MMS22L: variants seen among roughly 807,000 people sequenced by gnomAD.
MMS22L encodes the protein MMS22 like, DNA repair protein.
A neutral mutation model predicts 159.1 loss-of-function variants in MMS22L; 74 were observed. That is an observed-to-expected ratio of 0.47 (90% CI 0.39 to 0.56). The LOEUF (loss-of-function observed/expected upper bound fraction) is 0.56, where lower values mean the gene tolerates loss of function less well. Ranked by LOEUF, MMS22L falls within the 20% of genes least tolerant of loss-of-function variation. The pLI, the probability that MMS22L is intolerant of heterozygous loss-of-function variation, is 0.00. For missense variants in MMS22L, 1,351 were observed against 1,422.1 expected (o/e 0.95, Z 0.80); for synonymous variants, 517 against 506.9 (o/e 1.02, Z -0.27).
intron 4 of MMS22L, among the ~76,000 whole-genome samples, chr6:97,276,655 G>C (rs756496136): frequency 1.3e-5 from 2 of 152,086 alleles, no homozygotes; most frequent in African/African-American, 4.8e-5. Context: ...CACACATCAC[G>C]TCTTTGTTTA....
intron 11 of MMS22L, 90 bp from the exon 12 acceptor site, chr6:97,234,070 C>T (rs1318845829): frequency 2.9e-6 from 4 of 1,382,304 alleles, no homozygotes; most frequent in Non-Finnish European, 3.9e-6. Context: ...TAACCTGCAG[C>T]TAAAAAGAAA....
chr6:97,198,889 T>C (rs976268150), intron 14 of MMS22L, among the ~76,000 whole-genome samples: 8 of 152,298 alleles, frequency 5.3e-5, no homozygotes, highest in African/African-American at 1.7e-4. Context: ...TATATTATCA[T>C]ATTTCCTCTC....
chr6:97,236,144 A>G (rs1012786490), intron 11 of MMS22L, among the ~76,000 whole-genome samples: 2 of 151,960 alleles, frequency 1.3e-5, no homozygotes, highest in African/African-American at 2.4e-5. Context: ...CCTGGCCAAC[A>G]TGGCGAAACC....
chr6:97,148,543 G>A (rs967245456), intron 24 of MMS22L, among the ~76,000 whole-genome samples: 1 of 151,500 alleles, frequency 6.6e-6, no homozygotes, highest in Non-Finnish European at 1.5e-5. Flanking sequence ...ATGCGTGTGT[G>A]TCTTCATTTT....
chr6:97,254,695 C>G lies in MMS22L; in HGVS notation c.981G>C (p.Leu327=), dbSNP rs1333822744. The G allele has an allele frequency of 1.9e-6, 3 of 1,611,710 alleles. No homozygotes were observed. The East Asian group carries it at 6.7e-5, about 36-fold the overall frequency. ...TTCTTCGGTCACTTGATTTTTCAAG[C>G]AGTGTTTTAAGTAGTTTATTCAACC... is the stretch of plus-strand genomic sequence containing the variant. ...WNWLNKLLKT[L]LEKSSDRRRS... is the part of the protein sequence containing the mutation. Residue 327 remains leucine (L), a synonymous_variant, in exon 10 of 25, where the codon CTG becomes CTC. Coordinates refer to ENST00000683635, the MANE Select transcript of MMS22L (RefSeq NM_001350599.2).
chr6:97,251,359 T>C (rs1813215180), intron 10 of MMS22L, among the ~76,000 whole-genome samples: 1 of 152,194 alleles, frequency 6.6e-6, no homozygotes, highest in African/African-American at 2.4e-5. Context: ...CTTTAAAATA[T>C]TTCACTGAGA....
Position 97,231,512 on chromosome 6 carries a change from A to G in MMS22L, c.1443T>C (p.Tyr481=), listed in dbSNP as rs751376060. The change falls in exon 13 of 25, where the codon TAT becomes TAC. Residue 481 remains tyrosine, a synonymous_variant. Coordinates refer to ENST00000683635, the MANE Select transcript of MMS22L (RefSeq NM_001350599.2). ...TTGCCAGAATACAAAGAAAAATAGT[A>G]TAACTACTGCTGGATTTATATAGTT... is the stretch of plus-strand genomic sequence containing the variant. ...DQELYKSSSS[Y]TIFLCILAKV... 5.0e-6 allele frequency: 8 copies of G among 1,613,806 alleles called. No homozygotes were observed. The highest frequency in any genetic ancestry group is 1.3e-5 in the African/African-American group (1 of 75,054).
At chr6:97,160,073 T>A (rs1802282172) in intron 22 of MMS22L, among the ~76,000 whole-genome samples, 1 of 151,308 alleles carries the variant, frequency 6.6e-6, no homozygotes, top group Non-Finnish European at 1.5e-5. Flanking sequence ...AATACTATAT[T>A]TCTATAAGTT....
In MMS22L at chr6:97,229,194, A is replaced by G. The variant is rs754317525; in HGVS notation, c.1739T>C (p.Met580Thr). 1.6e-5 allele frequency: 26 copies of G among 1,614,052 alleles called. No individual in the cohort carries two copies. The highest frequency in any genetic ancestry group is 2.2e-5 in the Non-Finnish European group (26 of 1,180,016). ...AATGTCCAGATTTTTCTGGGCATACATCAAGAGGAAGGCCATGTGACCCTT... is the reference window on the plus strand; with the variant it reads ...AATGTCCAGATTTTTCTGGGCATACGTCAAGAGGAAGGCCATGTGACCCTT... ...IWKGHMAFLL[M>T]YAQKNLDIGV... The change falls in exon 14 of 25, where the codon ATG (methionine) becomes ACG (threonine). Residue 580 changes from methionine (M) to threonine (T), a missense_variant. Coordinates refer to ENST00000683635, the MANE Select transcript of MMS22L (RefSeq NM_001350599.2).
chr6:97,271,644 T>C (rs1815749216), intron 6 of MMS22L: 1 of 152,250 alleles, frequency 6.6e-6, no homozygotes, highest in East Asian at 1.9e-4. Flanking sequence ...TTCTGCTTCA[T>C]TTCACAGAAA....
intron 14 of MMS22L, among the ~76,000 whole-genome samples, chr6:97,199,734 C>T (rs539451636): frequency 2.0e-5 from 3 of 151,356 alleles, no homozygotes; most frequent in Non-Finnish European, 2.9e-5. Context: ...AAAACTCAGT[C>T]AAGTAAGAGT....
chr6:97,198,375 A>G lies in MMS22L; in HGVS notation c.2040-11685T>C, dbSNP rs182927047. On this transcript the variant is annotated intron_variant, in intron 14 of 24. Transcript: ENST00000683635. ...GAATTAGAGTTACTTCCAGACATTG[A>G]ATCATCCTAGCTGAGGCTCCAGACG... Among the ~76,000 whole-genome samples, 73 of 152,298 alleles carry G rather than the reference A, an allele frequency of 4.8e-4. 1 individual carries two copies. The highest frequency in any genetic ancestry group is 4.2e-3 in the Admixed American group (64 of 15,284).
chr6:97,258,728 T>G (rs1814103733), intron 9 of MMS22L: 1 of 152,212 alleles, frequency 6.6e-6, no homozygotes, highest in African/African-American at 2.4e-5. Context: ...TTAAAATTGC[T>G]AATCCTCACA....
intron 8 of MMS22L, chr6:97,265,847 A>T (rs186533325): frequency 0.012 from 1,846 of 152,014 alleles, 23 homozygotes; most frequent in Non-Finnish European, 0.019. Context: ...TCAGCCTCCC[A>T]AGTAGCTGGG....
chr6:97,227,915 T>C (rs1165057480), intron 14 of MMS22L, among the ~76,000 whole-genome samples: 1 of 152,262 alleles, frequency 6.6e-6, no homozygotes, highest in Non-Finnish European at 1.5e-5. Flanking sequence ...TGTCTGAGTG[T>C]ATTTAACATA....
At chr6:97,262,657 C>CA (rs71012591) in intron 9 of MMS22L, among the ~76,000 whole-genome samples, 49,003 of 105,926 alleles carry the variant, frequency 0.46, 11,009 homozygotes, top group Middle Eastern at 0.53. Context: ...AAGACTGCCT[C>CA]AAAAAAAAAA....
At chr6:97,147,436 T>G (rs1224787358) in intron 24 of MMS22L, among the ~76,000 whole-genome samples, 1 of 152,214 alleles carries the variant, frequency 6.6e-6, no homozygotes, top group Non-Finnish European at 1.5e-5. Context: ...TGCCTAGTAG[T>G]TATCTCACTA....
chr6:97,265,078 G>C (rs970832352), intron 8 of MMS22L: 12 of 152,108 alleles, frequency 7.9e-5, no homozygotes, highest in African/African-American at 2.7e-4. Flanking sequence ...AAAAGGTCCT[G>C]AATAGACCCA....
intron 18 of MMS22L, among the ~76,000 whole-genome samples, chr6:97,176,066 CAA>C (rs770116731): frequency 6.6e-6 from 1 of 152,222 alleles, no homozygotes; most frequent in East Asian, 1.9e-4. Context: ...TACATGTACT[CAA>C]GAGTCAAAAC....
Sources: gnomAD v4.1 joint callset for allele counts (sites outside exome capture counted in the v4.1 genomes callset) on GRCh38, gnomAD v4.1.1 for gene constraint, MANE v1.5 for transcripts, NCBI Gene and HGNC (gene_info 2026-07-23, HGNC 2026-07-21) for gene names.